Variants in ADAMTS12 observed in about 807,000 individuals in gnomAD.
ADAMTS12 encodes A disintegrin and metalloproteinase with thrombospondin motifs 12.
ADAMTS12 carries 118 observed loss-of-function variants against 167.8 expected under a neutral mutation model. The ratio of observed to expected loss-of-function variants is 0.70; its 90% CI spans 0.61 to 0.82. The LOEUF (loss-of-function observed/expected upper bound fraction) is 0.82, where lower values mean the gene tolerates loss of function less well. Ranked by LOEUF, ADAMTS12 falls within the 40% of genes least tolerant of loss-of-function variation. ADAMTS12 has a pLI of 0.00. For synonymous variants in ADAMTS12, 704 were observed against 716.9 expected, an observed-to-expected ratio of 0.98 and a Z score of 0.29; for missense variants, 1,916 against 1,998.8, an observed-to-expected ratio of 0.96 and a Z score of 0.79.
At chr5:33,527,424 C>T (rs1019823805) in intron 23 of ADAMTS12, 58 bp from the exon 24 acceptor site, 1 of 1,525,322 alleles carries the variant, frequency 6.6e-7, no homozygotes, top group Non-Finnish European at 9.0e-7. Context: ...TGTGGATATA[C>T]AAGCACAACT....
chr5:33,625,143 T>C (rs1025416725), intron 13 of ADAMTS12, among the ~76,000 whole-genome samples: 1 of 152,098 alleles, frequency 6.6e-6, no homozygotes, highest in South Asian at 2.1e-4. Flanking sequence ...CAGGCTTATT[T>C]TGAGTCTTTA....
chr5:33,625,088 C>A (rs1401507242), intron 13 of ADAMTS12, among the ~76,000 whole-genome samples: 3 of 152,092 alleles, frequency 2.0e-5, no homozygotes, highest in African/African-American at 7.2e-5. Flanking sequence ...AACTCTTGGC[C>A]TCCCACCTCA....
chr5:33,823,735 A>T (rs1444434531), intron 2 of ADAMTS12, among the ~76,000 whole-genome samples: 1 of 151,936 alleles, frequency 6.6e-6, no homozygotes, highest in Admixed American at 6.6e-5. Flanking sequence ...GCTTATTTTC[A>T]ATATTATGGA....
intron 9 of ADAMTS12, among the ~76,000 whole-genome samples, chr5:33,646,507 C>T (rs1466540526): frequency 6.6e-6 from 1 of 152,118 alleles, no homozygotes; most frequent in Non-Finnish European, 1.5e-5. Context: ...AAGGAGTGGT[C>T]AAATGTTACT....
At chr5:33,639,223 T>C (rs933063006) in intron 11 of ADAMTS12, among the ~76,000 whole-genome samples, 14 of 152,152 alleles carry the variant, frequency 9.2e-5, no homozygotes, top group Admixed American at 1.3e-4. Flanking sequence ...TTTTTGGTTA[T>C]CGTGAATAAT....
At chr5:33,880,440 C>G (rs73760898) in intron 2 of ADAMTS12, among the ~76,000 whole-genome samples, 6,984 of 152,300 alleles carry the variant, frequency 0.046, 543 homozygotes, top group African/African-American at 0.16. Flanking sequence ...ACCAACTACT[C>G]AGCTCTGTTG....
chr5:33,684,625 G>A (rs1742256761), intron 3 of ADAMTS12, among the ~76,000 whole-genome samples: 1 of 152,144 alleles, frequency 6.6e-6, no homozygotes, highest in African/African-American at 2.4e-5. Context: ...GTATAAAACT[G>A]TAGTATATAT....
intron 2 of ADAMTS12, among the ~76,000 whole-genome samples, chr5:33,777,019 T>C (rs1391601706): frequency 2.0e-5 from 3 of 152,104 alleles, no homozygotes; most frequent in African/African-American, 7.2e-5. Flanking sequence ...AATAAGGGAT[T>C]GAATCAGAAA....
At chr5:33,691,687 G>T (rs1351988050) in intron 3 of ADAMTS12, among the ~76,000 whole-genome samples, 1 of 152,148 alleles carries the variant, frequency 6.6e-6, no homozygotes. Context: ...ATTTAGTTAG[G>T]GCTGGTCCTA....
chr5:33,706,363 T>G (rs1743199892), intron 3 of ADAMTS12, among the ~76,000 whole-genome samples: 1 of 152,228 alleles, frequency 6.6e-6, no homozygotes, highest in South Asian at 2.1e-4. Context: ...GAACTTATTT[T>G]ATGACTCTGA....
chr5:33,699,222 T>C (rs985308323), intron 3 of ADAMTS12, among the ~76,000 whole-genome samples: 1 of 151,928 alleles, frequency 6.6e-6, no homozygotes, highest in Non-Finnish European at 1.5e-5. Context: ...GACATACAGA[T>C]TAATGGAACA....
intron 2 of ADAMTS12, among the ~76,000 whole-genome samples, chr5:33,861,315 AAATAAAGGG>A (rs1749607081): frequency 6.6e-6 from 1 of 152,224 alleles, no homozygotes; most frequent in Non-Finnish European, 1.5e-5. Flanking sequence ...CATAGGCTCA[AAATAAAGGG>A]ATGGAGGAAT....
At chr5:33,852,768 A>C (rs1317802411) in intron 2 of ADAMTS12, among the ~76,000 whole-genome samples, 1 of 152,240 alleles carries the variant, frequency 6.6e-6, no homozygotes, top group Non-Finnish European at 1.5e-5. Flanking sequence ...GAAAAAAGCT[A>C]AGAAGGTCAT....
chr5:33,563,002 A>G (rs1315370324), intron 19 of ADAMTS12, among the ~76,000 whole-genome samples: 1 of 152,218 alleles, frequency 6.6e-6, no homozygotes. Context: ...ATAACATAAT[A>G]GAGTTCTTAG....
At chr5:33,804,193 A>C (rs1747128521) in intron 2 of ADAMTS12, among the ~76,000 whole-genome samples, 1 of 152,216 alleles carries the variant, frequency 6.6e-6, no homozygotes, top group Admixed American at 6.5e-5. Context: ...CAGTAGATTA[A>C]GTTATTCATA....
chr5:33,763,019 A>G (rs182368792), intron 2 of ADAMTS12, among the ~76,000 whole-genome samples: 1 of 152,294 alleles, frequency 6.6e-6, no homozygotes, highest in East Asian at 1.9e-4. Context: ...TGTGAAAAGC[A>G]AGTCAAGGGA....
chr5:33,849,562 A>AAT (rs1561306951), intron 2 of ADAMTS12, among the ~76,000 whole-genome samples: 19 of 140,272 alleles, frequency 1.4e-4, no homozygotes, highest in African/African-American at 2.4e-4. Context: ...ACTGCATAGC[A>AAT]ATACACATGT....
intron 17 of ADAMTS12, among the ~76,000 whole-genome samples, chr5:33,591,391 T>C (rs1453155726): frequency 2.0e-5 from 3 of 152,218 alleles, no homozygotes; most frequent in Admixed American, 2.0e-4. Context: ...CAAAACTGAA[T>C]TTGTTAAACC....
chr5:33,675,064 A>C (rs1241716829), intron 5 of ADAMTS12, among the ~76,000 whole-genome samples: 1 of 152,066 alleles, frequency 6.6e-6, no homozygotes, highest in Non-Finnish European at 1.5e-5. Flanking sequence ...TCCACCATGG[A>C]ATGACACTCA....
Sources: allele counts gnomAD v4.1 joint callset (sites outside exome capture counted in the v4.1 genomes callset), GRCh38; gene constraint gnomAD v4.1.1; transcripts MANE v1.5; gene names NCBI Gene and HGNC (gene_info 2026-07-23, HGNC 2026-07-21).